The following ANXA7 variants were observed in gnomAD, a reference collection of about 807,000 sequenced individuals.
ANXA7 encodes the protein annexin VII.
ANXA7 carries 55 observed loss-of-function variants against 64.9 expected under a neutral mutation model. The observed-to-expected ratio is 0.85, with a 90% CI of 0.68 to 1.06. The LOEUF (loss-of-function observed/expected upper bound fraction) is 1.06. Ranked by LOEUF, ANXA7 falls within the 50% of genes least tolerant of loss-of-function variation. ANXA7 has a pLI of 0.00. For missense variants in ANXA7, 548 were observed against 582.1 expected, an observed-to-expected ratio of 0.94 and a Z score of 0.60; for synonymous variants, 200 against 192.4, an observed-to-expected ratio of 1.04 and a Z score of -0.33.
In ANXA7 at chr10:73,376,147, C is replaced by A. The variant is rs2055166673; in HGVS notation, c.1349G>T (p.Gly450Val). 1 of 1,608,926 alleles carries A rather than the reference C, an allele frequency of 6.2e-7. No homozygotes were observed. Among genetic ancestry groups the A allele is most frequent in the African/African-American group, 1.3e-5 (1 of 74,668 alleles). Reference protein sequence around the residue: ...YQKTLGTMIAGDTSGDYRRLL... With the variant: ...YQKTLGTMIAVDTSGDYRRLL... ...TCTTCGGTAATCTCCACTCGTGTCA[C>A]CTGCAATCATTGTGCCCAGAGTCTT... is the stretch of plus-strand genomic sequence containing the variant. Residue 450 changes from glycine (G) to valine (V), a missense_variant, in exon 13 of 13, where the codon GGT becomes GTT. Transcript: ENST00000372921.
chr10:73,394,568 G>T (rs1418243386), intron 5 of ANXA7, among the ~76,000 whole-genome samples: 2 of 152,206 alleles, frequency 1.3e-5, no homozygotes, highest in Non-Finnish European at 2.9e-5. Flanking sequence ...TAGGGACATG[G>T]ATGAAGCTGG....
intron 5 of ANXA7, chr10:73,395,916 G>A: frequency 1.4e-6 from 1 of 736,550 alleles, no homozygotes; most frequent in East Asian, 2.6e-5. Flanking sequence ...TATTATTACA[G>A]GAACACAAAG....
chr10:73,377,930 T>TGTGTGTGTGTGTGTGTGTGTGCGCGCGC, intron 12 of ANXA7, among the ~76,000 whole-genome samples: 1 of 142,584 alleles, frequency 7.0e-6, no homozygotes, highest in African/African-American at 2.8e-5. Context: ...TGTGTGTGTG[T>TGTGTGTGTGTGTGTGTGTGTGCGCGCGC]GCGCGCGCGT....
chr10:73,391,949 CAT>C (rs1177719439), intron 5 of ANXA7, among the ~76,000 whole-genome samples: 1 of 151,874 alleles, frequency 6.6e-6, no homozygotes, highest in Admixed American at 6.6e-5. Context: ...AAATAAGTTG[CAT>C]ATGAGACTAA....
At chr10:73,384,325 A>G (rs1231571769) in intron 7 of ANXA7, among the ~76,000 whole-genome samples, 1 of 152,200 alleles carries the variant, frequency 6.6e-6, no homozygotes, top group African/African-American at 2.4e-5. Flanking sequence ...TGATAAACAG[A>G]TATTTACTTA....
At chr10:73,388,060 G>T (rs564044975) in intron 6 of ANXA7, among the ~76,000 whole-genome samples, 4 of 151,962 alleles carry the variant, frequency 2.6e-5, no homozygotes, top group African/African-American at 9.7e-5. Flanking sequence ...TCGCCATGTT[G>T]GCCAGGCTGG....
At chr10:73,382,858 G>C (rs974849901) in intron 9 of ANXA7, among the ~76,000 whole-genome samples, 1 of 152,074 alleles carries the variant, frequency 6.6e-6, no homozygotes, top group Non-Finnish European at 1.5e-5. Flanking sequence ...CTTGATGGTG[G>C]GGCATAATGG....
In ANXA7 at chr10:73,376,126, C is replaced by G. The variant is rs772262560; in HGVS notation, c.1370G>C (p.Arg457Pro). The G allele has an allele frequency of 5.0e-6, 8 of 1,601,386 alleles. No homozygotes were observed. The East Asian group carries it at 1.3e-4, about 27-fold the overall frequency. The change falls in exon 13 of 13, where the codon CGA becomes CCA. Residue 457 changes from arginine (R) to proline (P), a missense_variant. Arg to Pro is a moderately radical substitution (Grantham distance 103). Coordinates refer to ENST00000372921, the MANE Select transcript of ANXA7 (RefSeq NM_001156.5). ...GCCCACAATAGCCAGAAGAAGTCTT[C>G]GGTAATCTCCACTCGTGTCACCTGC... ...MIAGDTSGDY[R>P]RLLLAIVGQ is the part of the protein sequence containing the mutation.
chr10:73,378,766 T>G (rs2055226446), intron 12 of ANXA7, 145 bp downstream of exon 12: 1 of 635,904 alleles, frequency 1.6e-6, no homozygotes, highest in Non-Finnish European at 2.8e-6. Flanking sequence ...AAGTGAATTT[T>G]CTGTTCTTTA....
intron 6 of ANXA7, 39 bp downstream of exon 6, chr10:73,388,268 ATTACT>A (rs770171556): frequency 6.4e-6 from 9 of 1,408,960 alleles, no homozygotes; most frequent in South Asian, 2.3e-5. Flanking sequence ...TTTAGAACTG[ATTACT>A]TTAACTTATT....
intron 5 of ANXA7, among the ~76,000 whole-genome samples, chr10:73,393,969 C>T (rs560023408): frequency 1.9e-4 from 29 of 152,176 alleles, no homozygotes; most frequent in Admixed American, 5.2e-4. Flanking sequence ...ATCTGACAAA[C>T]GGCTAATATC....
At chr10:73,388,500 TTAAG>T in intron 5 of ANXA7, 86 bp from the exon 6 acceptor site, 1 of 1,028,740 alleles carries the variant, frequency 9.7e-7, no homozygotes, top group East Asian at 2.5e-5. Context: ...GACATCAATC[TTAAG>T]TAAGAAGGCC....
chr10:73,403,387 C>G (rs1053844655), intron 1 of ANXA7, among the ~76,000 whole-genome samples: 3 of 152,070 alleles, frequency 2.0e-5, no homozygotes, highest in African/African-American at 7.2e-5. Context: ...TATTCAGAAG[C>G]CTGGGCAGGA....
rs2055150069 is a variant in ANXA7, at chr10:73,375,126, T to C, written c.*969A>G. ...TATTGTATACCATTTATACGTGGAA[T>C]CTAAAATAGCTGAACTTAAACACAG... On this transcript the variant is annotated 3_prime_UTR_variant, in exon 13 of 13. Coordinates refer to ENST00000372921, the MANE Select transcript of ANXA7 (RefSeq NM_001156.5). 2 of 151,916 alleles carry C rather than the reference T, an allele frequency of 1.3e-5. No homozygotes were observed. Among genetic ancestry groups the C allele is most frequent in the South Asian group, 2.1e-4 (1 of 4,824 alleles). 9.4% of individuals were successfully genotyped at this position (151,916 alleles called of 1,614,324 possible).
chr10:73,390,681 T>G (rs1361589962), intron 5 of ANXA7, among the ~76,000 whole-genome samples: 1 of 145,472 alleles, frequency 6.9e-6, no homozygotes, highest in African/African-American at 2.5e-5. Flanking sequence ...TTTCTGTGAT[T>G]CTCTTTTGTA....
chr10:73,387,553 G>A (rs2055395365), intron 7 of ANXA7, 136 bp downstream of exon 7: 2 of 656,720 alleles, frequency 3.0e-6, no homozygotes, highest in Non-Finnish European at 5.2e-6. Context: ...AGGGAATACA[G>A]TACCCTTGAG....
At position 73,398,300 on chromosome 10, in the gene ANXA7, G is replaced by A; in HGVS notation, c.140C>T (p.Pro47Leu). Reference sequence around the variant, plus strand: ...TGGGTAGCCACTACTTGGCACTTGTGGGTAGGCACCTCCTCCCATTGGAGG... The same window carrying A: ...TGGGTAGCCACTACTTGGCACTTGTAGGTAGGCACCTCCTCCCATTGGAGG... ...GFPPMGGGAY[P>L]QVPSSGYPGA... The change falls in exon 3 of 13, where the codon CCA becomes CTA. Residue 47 changes from proline (P) to leucine (L), a missense_variant. Pro to Leu is a moderately conservative substitution (Grantham distance 98). Transcript: ENST00000372921. 1 of 1,614,088 alleles carries A rather than the reference G, an allele frequency of 6.2e-7. No homozygotes were observed. Among genetic ancestry groups the A allele is most frequent in the South Asian group, 1.1e-5 (1 of 91,058 alleles).
intron 12 of ANXA7, among the ~76,000 whole-genome samples, chr10:73,376,595 C>G (rs2055174703): frequency 6.6e-6 from 1 of 152,166 alleles, no homozygotes; most frequent in Admixed American, 6.5e-5. Context: ...GCTGTGGAAA[C>G]TAATATGGTT....
Position 73,377,773 on chromosome 10 carries a change from G to GTGT in ANXA7, c.1278+1137_1278+1138insACA, listed in dbSNP as rs2055200570. On this transcript the variant is annotated intron_variant, in intron 12 of 12. Coordinates refer to ENST00000372921, the MANE Select transcript of ANXA7 (RefSeq NM_001156.5). ...ACTACCATGCCGGGGGGTGGGTGTG[G>GTGT]GTGTGTGTGTGTGTGTGTGTGTGTG... is the stretch of plus-strand genomic sequence containing the variant. Among the ~76,000 whole-genome samples the GTGT allele has an allele frequency of 3.2e-5, 4 of 124,822 alleles. 1 individual carries two copies. Among genetic ancestry groups the GTGT allele is most frequent in the African/African-American group, 1.3e-4 (4 of 31,052 alleles). 81.9% of individuals were successfully genotyped at this position (124,822 alleles called of 152,430 possible). A position where few individuals can be genotyped will look rare whatever the true frequency, so the allele number is the denominator to read the frequency against.
Sources: allele counts gnomAD v4.1 joint callset (sites outside exome capture counted in the v4.1 genomes callset), GRCh38; gene constraint gnomAD v4.1.1; transcripts MANE v1.5; gene names NCBI Gene and HGNC (gene_info 2026-07-23, HGNC 2026-07-21).